The following AGPAT5 variants were observed in gnomAD, a reference collection of about 807,000 sequenced individuals.
AGPAT5 encodes 1-acyl-sn-glycerol-3-phosphate acyltransferase epsilon.
A neutral mutation model predicts 45.6 loss-of-function variants in AGPAT5; 46 were observed. That is an observed-to-expected ratio of 1.01 (90% CI 0.80 to 1.29). The LOEUF (loss-of-function observed/expected upper bound fraction) is 1.29, where lower values mean the gene tolerates loss of function less well. AGPAT5 is among the 50% of genes most tolerant of loss of function. AGPAT5 has a pLI of 0.00. For missense variants in AGPAT5, 673 were observed against 450.7 expected (o/e 1.49, Z -4.47); for synonymous variants, 272 against 167.0 (o/e 1.63, Z -4.85).
At chr8:6,716,333 T>C (rs1587002777) in intron 1 of AGPAT5, among the ~76,000 whole-genome samples, 1 of 150,508 alleles carries the variant, frequency 6.6e-6, no homozygotes, top group East Asian at 2.0e-4. Flanking sequence ...CCAAGGAGGG[T>C]GGATCACTTG....
chr8:6,718,370 A>G (rs1335333531), intron 1 of AGPAT5, among the ~76,000 whole-genome samples: 8 of 152,196 alleles, frequency 5.3e-5, no homozygotes, highest in Non-Finnish European at 1.0e-4. Flanking sequence ...CGCAGCTGTG[A>G]TATGAAGGTC....
intron 4 of AGPAT5, among the ~76,000 whole-genome samples, chr8:6,734,143 G>A (rs1374169118): frequency 6.6e-6 from 1 of 151,936 alleles, no homozygotes; most frequent in Non-Finnish European, 1.5e-5. Flanking sequence ...AAATTTCTTT[G>A]CTCTTATTTC....
At chr8:6,751,855 T>G (rs940154218) in intron 6 of AGPAT5, among the ~76,000 whole-genome samples, 1 of 152,222 alleles carries the variant, frequency 6.6e-6, no homozygotes, top group Non-Finnish European at 1.5e-5. Context: ...ACAACATATT[T>G]ACTTTCCATT....
chr8:6,742,483 A>C (rs1459250489), intron 5 of AGPAT5, among the ~76,000 whole-genome samples: 2 of 152,184 alleles, frequency 1.3e-5, no homozygotes, highest in Admixed American at 1.3e-4. Context: ...TGTGATCTCC[A>C]TATGTTGATA....
At chr8:6,756,706 AT>A (rs1801850228) in intron 7 of AGPAT5, among the ~76,000 whole-genome samples, 1 of 151,674 alleles carries the variant, frequency 6.6e-6, no homozygotes, top group Admixed American at 6.6e-5. Context: ...GCATCCTTTG[AT>A]CTTGGTCTCT....
intron 5 of AGPAT5, among the ~76,000 whole-genome samples, chr8:6,746,576 G>T (rs1801472130): frequency 6.6e-6 from 1 of 152,148 alleles, no homozygotes; most frequent in African/African-American, 2.4e-5. Flanking sequence ...TTCCCAGCTT[G>T]GTGTGCGATT....
At chr8:6,713,008 T>C (rs1303400801) in intron 1 of AGPAT5, among the ~76,000 whole-genome samples, 6 of 152,242 alleles carry the variant, frequency 3.9e-5, no homozygotes, top group Admixed American at 2.6e-4. Flanking sequence ...TTTGGGTTTT[T>C]TTGAGTCAGG....
intron 4 of AGPAT5, among the ~76,000 whole-genome samples, chr8:6,737,275 C>T (rs1391026349): frequency 6.6e-6 from 1 of 152,124 alleles, no homozygotes; most frequent in African/African-American, 2.4e-5. Context: ...CCTGTGAGAG[C>T]GGATACATCT....
chr8:6,750,783 TG>T (rs1345818039), intron 6 of AGPAT5, among the ~76,000 whole-genome samples: 6 of 151,472 alleles, frequency 4.0e-5, no homozygotes, highest in Non-Finnish European at 8.8e-5. Context: ...ATAGGCTCAG[TG>T]GGTGAGATTC....
chr8:6,750,414 T>C (rs1801621090), intron 6 of AGPAT5, among the ~76,000 whole-genome samples: 2 of 152,338 alleles, frequency 1.3e-5, no homozygotes, highest in South Asian at 2.1e-4. Context: ...TTTTGAAAGA[T>C]TGACCTTTCT....
intron 2 of AGPAT5, 37 bp downstream of exon 2, chr8:6,724,976 A>G: frequency 3.6e-6 from 3 of 823,394 alleles, no homozygotes; most frequent in Non-Finnish European, 5.0e-6. Context: ...AGGTTTTTCT[A>G]CAGATGGCAC....
rs1489191179 is a variant in AGPAT5 at position 6,747,737 on chromosome 8, G to A, written c.654G>A (p.Met218Ile). ...IKATHVAFDCMKNYLDAIYDV... is the reference protein window; with the variant it reads ...IKATHVAFDCIKNYLDAIYDV... Reference sequence around the variant, plus strand: ...CAACTCACGTTGCTTTTGATTGCATGAAGAATTATTTAGATGCAATTTATG... The same window carrying A: ...CAACTCACGTTGCTTTTGATTGCATAAAGAATTATTTAGATGCAATTTATG... Residue 218 changes from methionine (M) to isoleucine (I), a missense_variant, in exon 6 of 8, where the codon ATG becomes ATA. Transcript: ENST00000285518. 6.2e-7 allele frequency: 1 copy of A among 1,614,206 alleles called. No homozygotes were observed. The highest frequency in any genetic ancestry group is 8.5e-7 in the Non-Finnish European group (1 of 1,180,020).
intron 7 of AGPAT5, among the ~76,000 whole-genome samples, chr8:6,755,436 A>G (rs953139436): frequency 2.6e-5 from 4 of 152,224 alleles, no homozygotes; most frequent in African/African-American, 7.2e-5. Context: ...AAATTAAATT[A>G]AAAACAACAA....
chr8:6,736,104 G>A (rs559511636), intron 4 of AGPAT5, among the ~76,000 whole-genome samples: 8 of 152,148 alleles, frequency 5.3e-5, no homozygotes, highest in South Asian at 2.1e-4. Context: ...CGCCCGCCTC[G>A]GCCCCCCACA....
chr8:6,747,696 A>C lies in AGPAT5; in HGVS notation c.613A>C (p.Thr205Pro). The C allele has an allele frequency of 6.2e-7, 1 of 1,614,196 alleles. No homozygotes were observed. Among genetic ancestry groups the C allele is most frequent in the Non-Finnish European group, 8.5e-7 (1 of 1,180,026 alleles). ...CCTTGCAGTATTAAAACATGTGCTAACACCACGAATAAAGGCAACTCACGT... is the reference window on the plus strand; with the variant it reads ...CCTTGCAGTATTAAAACATGTGCTACCACCACGAATAAAGGCAACTCACGT... ...RGLAVLKHVL[T>P]PRIKATHVAF... is the part of the protein sequence containing the mutation. The change falls in exon 6 of 8, where the codon ACA (threonine) becomes CCA (proline). Residue 205 changes from threonine (T) to proline (P), a missense_variant. Coordinates refer to ENST00000285518, the MANE Select transcript of AGPAT5 (RefSeq NM_018361.5).
intron 1 of AGPAT5, among the ~76,000 whole-genome samples, chr8:6,712,868 A>C (rs907229500): frequency 6.6e-6 from 1 of 152,036 alleles, no homozygotes; most frequent in African/African-American, 2.4e-5. Flanking sequence ...GATGTCTTCA[A>C]ATGTCAGAAT....
intron 6 of AGPAT5, among the ~76,000 whole-genome samples, chr8:6,748,405 T>C (rs1034854830): frequency 1.2e-4 from 18 of 152,340 alleles, no homozygotes; most frequent in East Asian, 1.9e-4. Context: ...AACATGGAAA[T>C]AGGCAAACAG....
chr8:6,718,095 C>G (rs1800390329), intron 1 of AGPAT5, among the ~76,000 whole-genome samples: 2 of 152,170 alleles, frequency 1.3e-5, no homozygotes, highest in Admixed American at 6.5e-5. Context: ...GTGAAACTGC[C>G]TAGCTCAGTG....
At chr8:6,753,194 T>C (rs1250164433) in intron 6 of AGPAT5, among the ~76,000 whole-genome samples, 2 of 152,230 alleles carry the variant, frequency 1.3e-5, no homozygotes, top group Non-Finnish European at 2.9e-5. Flanking sequence ...GCACTGCCTC[T>C]TCTTCCAAAG....
Sources: gnomAD v4.1 joint callset for allele counts (sites outside exome capture counted in the v4.1 genomes callset) on GRCh38, gnomAD v4.1.1 for gene constraint, MANE v1.5 for transcripts, NCBI Gene and HGNC (gene_info 2026-07-23, HGNC 2026-07-21) for gene names.